QTMAN: variants seen among roughly 807,000 people sequenced by gnomAD.
QTMAN encodes tRNA-queuosine alpha-mannosyltransferase.
the QTMAN span, among the ~76,000 whole-genome samples, chr2:144,220,144 T>A: frequency 2.6e-5 from 4 of 152,152 alleles, no homozygotes; most frequent in African/African-American, 9.7e-5. Flanking sequence ...GCTGAGTAAA[T>A]CTGGGACTAA....
chr2:144,099,279 A>G, the QTMAN span, among the ~76,000 whole-genome samples: 1 of 152,252 alleles, frequency 6.6e-6, no homozygotes. Context: ...TATTATTCAC[A>G]ACACTTTTTG....
chr2:144,133,152 A>ATAT, the QTMAN span, among the ~76,000 whole-genome samples: 5 of 32,568 alleles, frequency 1.5e-4, no homozygotes, highest in African/African-American at 1.2e-3. Context: ...TATATATATA[A>ATAT]TATAATATAA....
At chr2:144,170,627 T>C in the QTMAN span, among the ~76,000 whole-genome samples, 1 of 152,150 alleles carries the variant, frequency 6.6e-6, no homozygotes, top group African/African-American at 2.4e-5. Context: ...AGGGAGATAC[T>C]ATCTCTATAT....
the QTMAN span, among the ~76,000 whole-genome samples, chr2:144,280,702 G>C: frequency 1.3e-5 from 2 of 152,064 alleles, no homozygotes; most frequent in Non-Finnish European, 2.9e-5. Context: ...AAATGCAGAT[G>C]CTAGGGAGAA....
At chr2:144,055,606 A>C in the QTMAN span, among the ~76,000 whole-genome samples, 1 of 152,202 alleles carries the variant, frequency 6.6e-6, no homozygotes, top group African/African-American at 2.4e-5. Flanking sequence ...GGCATCCACC[A>C]GAACTGCTCA....
At chr2:143,951,956 C>A in the QTMAN span, 2 of 1,066,714 alleles carry the variant, frequency 1.9e-6, no homozygotes, top group South Asian at 1.4e-5. Flanking sequence ...GCATTTATAC[C>A]ATGTAAATCT....
the QTMAN span, among the ~76,000 whole-genome samples, chr2:144,228,569 A>C: frequency 2.0e-5 from 3 of 152,344 alleles, no homozygotes; most frequent in South Asian, 6.2e-4. Context: ...GGAGAAAAGA[A>C]GGAGAATGGG....
the QTMAN span, among the ~76,000 whole-genome samples, chr2:144,027,694 T>C: frequency 6.6e-6 from 1 of 152,228 alleles, no homozygotes; most frequent in Non-Finnish European, 1.5e-5. Flanking sequence ...GAATTGCATT[T>C]GGATAGAGTT....
the QTMAN span, among the ~76,000 whole-genome samples, chr2:144,299,107 G>A: frequency 1.9e-4 from 29 of 152,158 alleles, no homozygotes; most frequent in African/African-American, 6.8e-4. Flanking sequence ...GAACACTTCA[G>A]CTTTCCCAGG....
the QTMAN span, among the ~76,000 whole-genome samples, chr2:144,078,861 A>AC: frequency 7.9e-5 from 12 of 152,048 alleles, no homozygotes; most frequent in African/African-American, 1.9e-4. Context: ...AATTTCAGCA[A>AC]CCCCCTTCCC....
the QTMAN span, among the ~76,000 whole-genome samples, chr2:144,181,644 C>G: frequency 6.6e-6 from 1 of 151,940 alleles, no homozygotes; most frequent in East Asian, 1.9e-4. Flanking sequence ...AACTTCATCT[C>G]CGCTAAAAAT....
the QTMAN span, among the ~76,000 whole-genome samples, chr2:144,177,456 T>C: frequency 6.6e-6 from 1 of 152,012 alleles, no homozygotes; most frequent in Non-Finnish European, 1.5e-5. Context: ...AGTTCAAATA[T>C]TAACATGCCT....
the QTMAN span, among the ~76,000 whole-genome samples, chr2:144,126,526 G>A: frequency 3.9e-5 from 6 of 151,986 alleles, no homozygotes; most frequent in Non-Finnish European, 7.4e-5. Flanking sequence ...TTGAGGGGAT[G>A]CATACAGTCA....
the QTMAN span, among the ~76,000 whole-genome samples, chr2:144,092,878 T>TGTGTGTGG: frequency 2.2e-5 from 3 of 138,670 alleles, no homozygotes; most frequent in Non-Finnish European, 3.1e-5. Context: ...GGGGTGTGTG[T>TGTGTGTGG]GTGTGTGTGT....
chr2:144,157,213 G>A, the QTMAN span, among the ~76,000 whole-genome samples: 1 of 151,990 alleles, frequency 6.6e-6, no homozygotes, highest in Non-Finnish European at 1.5e-5. Flanking sequence ...CGTAGACAAA[G>A]TACTTGAACT....
At chr2:144,223,292 A>AT in the QTMAN span, among the ~76,000 whole-genome samples, 1 of 152,180 alleles carries the variant, frequency 6.6e-6, no homozygotes, top group African/African-American at 2.4e-5. Context: ...AATATGAAAT[A>AT]TATAAATACA....
the QTMAN span, among the ~76,000 whole-genome samples, chr2:143,957,621 G>A: frequency 6.6e-6 from 1 of 151,950 alleles, no homozygotes; most frequent in African/African-American, 2.4e-5. Flanking sequence ...GAAACAAAAT[G>A]GACTGTAAAG....
the QTMAN span, among the ~76,000 whole-genome samples, chr2:144,027,167 A>T: frequency 6.6e-6 from 1 of 152,218 alleles, no homozygotes; most frequent in Non-Finnish European, 1.5e-5. Flanking sequence ...ATTCATTGAC[A>T]GAAATAAATA....
chr2:144,112,435 C>G, the QTMAN span, among the ~76,000 whole-genome samples: 1 of 152,196 alleles, frequency 6.6e-6, no homozygotes, highest in East Asian at 1.9e-4. Context: ...CTGACTGATA[C>G]AGCCCAGGCT....
Sources: allele counts gnomAD v4.1 joint callset (sites outside exome capture counted in the v4.1 genomes callset), GRCh38; gene constraint gnomAD v4.1.1; transcripts MANE v1.5; gene names NCBI Gene and HGNC (gene_info 2026-07-23, HGNC 2026-07-21).